GPR39: variants seen among roughly 807,000 people sequenced by gnomAD.
GPR39 encodes the protein G protein-coupled receptor 39, also known as zinc sensing receptor.
Under a neutral mutation model 18.4 loss-of-function variants are expected in GPR39, and 23 were observed. The observed-to-expected ratio is 1.25, with a 90% CI of 0.90 to 1.77. GPR39 has a LOEUF of 1.77. GPR39 is among the 40% of genes most tolerant of loss of function. GPR39 has a pLI of 0.00. For synonymous variants in GPR39, 280 were observed against 257.9 expected (o/e 1.09, Z -0.82); for missense variants, 647 against 602.4 (o/e 1.07, Z -0.78).
chr2:132,533,920 A>G lies in GPR39; in HGVS notation c.857-111181A>G, dbSNP rs1281386661. Among the ~76,000 whole-genome samples the G allele has an allele frequency of 2.6e-5, 4 of 152,242 alleles. No individual in the cohort carries two copies. In the East Asian group the frequency reaches 5.8e-4, roughly 22 times the overall value. On this transcript the variant is annotated intron_variant, in intron 1 of 1. Transcript: ENST00000329321. ...GAAAACCTACGAAATACCATTCAGG[A>G]CATAGGCATGGGCAAGGACTTCATG... is the stretch of plus-strand genomic sequence containing the variant.
intron 1 of GPR39, chr2:132,524,066 C>T (rs1558825912): frequency 6.6e-6 from 1 of 152,614 alleles, no homozygotes. Flanking sequence ...TGTATTTTAA[C>T]CAGCACTCTT....
intron 1 of GPR39, among the ~76,000 whole-genome samples, chr2:132,492,793 CATATAT>C (rs368240922): frequency 1.2e-4 from 1 of 8,632 alleles, no homozygotes; most frequent in Non-Finnish European, 3.4e-4. Flanking sequence ...ATATATATAC[CATATAT>C]ACCATATATA....
chr2:132,571,358 T>A (rs1680437982), intron 1 of GPR39, among the ~76,000 whole-genome samples: 1 of 152,140 alleles, frequency 6.6e-6, no homozygotes, highest in Admixed American at 6.5e-5. Flanking sequence ...GCAGCAAAAA[T>A]TTGATCATTC....
At chr2:132,442,923 C>T (rs1461217809) in intron 1 of GPR39, among the ~76,000 whole-genome samples, 6 of 152,136 alleles carry the variant, frequency 3.9e-5, no homozygotes, top group African/African-American at 1.2e-4. Flanking sequence ...ACTGGAGAGG[C>T]ATGGACTGCT....
intron 1 of GPR39, among the ~76,000 whole-genome samples, chr2:132,536,666 G>C (rs1173572612): frequency 6.6e-6 from 1 of 152,150 alleles, no homozygotes; most frequent in Non-Finnish European, 1.5e-5. Context: ...CTGACAGTGG[G>C]TGTTAAAGTC....
At chr2:132,501,196 T>C (rs1679031114) in intron 1 of GPR39, among the ~76,000 whole-genome samples, 1 of 151,992 alleles carries the variant, frequency 6.6e-6, no homozygotes. Context: ...CTATTTGTGC[T>C]CTTTCAGACT....
chr2:132,425,974 TAATA>T (rs1156571264), intron 1 of GPR39, among the ~76,000 whole-genome samples: 1 of 152,228 alleles, frequency 6.6e-6, no homozygotes, highest in Non-Finnish European at 1.5e-5. Flanking sequence ...ATTTGTGTGC[TAATA>T]AATAGGTGTT....
At chr2:132,446,386 G>A (rs1285927111) in intron 1 of GPR39, among the ~76,000 whole-genome samples, 1 of 152,196 alleles carries the variant, frequency 6.6e-6, no homozygotes, top group Non-Finnish European at 1.5e-5. Context: ...TTGCAATTCA[G>A]AGCAAAAAGT....
chr2:132,573,580 G>A (rs1182434700), intron 1 of GPR39, among the ~76,000 whole-genome samples: 1 of 152,166 alleles, frequency 6.6e-6, no homozygotes, highest in Non-Finnish European at 1.5e-5. Context: ...GGGAGCCAAA[G>A]TGGGAACAAT....
chr2:132,486,057 T>C (rs1681331384), intron 1 of GPR39, among the ~76,000 whole-genome samples: 1 of 152,232 alleles, frequency 6.6e-6, no homozygotes, highest in Non-Finnish European at 1.5e-5. Context: ...TTAATAGGTA[T>C]GAACATTAAT....
At chr2:132,535,694 G>GATTTTTTTTTTTTTT (rs1252242856) in intron 1 of GPR39, among the ~76,000 whole-genome samples, 1 of 60,992 alleles carries the variant, frequency 1.6e-5, no homozygotes, top group Admixed American at 1.6e-4. Context: ...CTGGTCCTGG[G>GATTTTTTTTTTTTTT]CTTTTTTTTT....
intron 1 of GPR39, among the ~76,000 whole-genome samples, chr2:132,438,729 A>G (rs1680379589): frequency 6.6e-6 from 1 of 152,112 alleles, no homozygotes; most frequent in Non-Finnish European, 1.5e-5. Flanking sequence ...CTCAAAGTAT[A>G]CAATCCTTGT....
chr2:132,544,007 CT>C (rs1421788406), intron 1 of GPR39, among the ~76,000 whole-genome samples: 1 of 152,172 alleles, frequency 6.6e-6, no homozygotes, highest in Admixed American at 6.5e-5. Context: ...CTCCAGACCC[CT>C]CAGGAAGAAA....
chr2:132,487,486 A>G (rs994727372), intron 1 of GPR39, among the ~76,000 whole-genome samples: 9 of 152,346 alleles, frequency 5.9e-5, no homozygotes, highest in African/African-American at 2.2e-4. Flanking sequence ...CTGTGTCAGT[A>G]TTAATAGACA....
At chr2:132,535,800 T>A (rs1679746668) in intron 1 of GPR39, among the ~76,000 whole-genome samples, 1 of 151,560 alleles carries the variant, frequency 6.6e-6, no homozygotes, top group African/African-American at 2.4e-5. Flanking sequence ...TTGGGAGGAT[T>A]TATGTGTCCA....
intron 1 of GPR39, among the ~76,000 whole-genome samples, chr2:132,518,507 G>A (rs1162613629): frequency 2.0e-5 from 3 of 152,134 alleles, no homozygotes; most frequent in South Asian, 4.1e-4. Context: ...TGTCTCATCC[G>A]CCCCGTTCAT....
chr2:132,469,237 T>G (rs187518280), intron 1 of GPR39, among the ~76,000 whole-genome samples: 1 of 152,328 alleles, frequency 6.6e-6, no homozygotes, highest in Admixed American at 6.5e-5. Context: ...GTGTTCAGTT[T>G]AGAGCTCTTT....
chr2:132,621,957 C>T lies in GPR39; in HGVS notation c.857-23144C>T, dbSNP rs147723909. On this transcript the variant is annotated intron_variant, in intron 1 of 1. Transcript: ENST00000329321. Reference sequence around the variant, plus strand: ...GGTCCTGTCACAAATCTCAGGCTGGCGATGAGAGGGATATGCATAGAGATG... The same window carrying T: ...GGTCCTGTCACAAATCTCAGGCTGGTGATGAGAGGGATATGCATAGAGATG... 4.9e-3 allele frequency among the ~76,000 whole-genome samples: 753 copies of T among 152,188 alleles called. 5 individuals carry two copies. Among genetic ancestry groups the T allele is most frequent in the Middle Eastern group, 0.01 (3 of 294 alleles).
chr2:132,618,127 C>G (rs898132822), intron 1 of GPR39, among the ~76,000 whole-genome samples: 3 of 152,154 alleles, frequency 2.0e-5, no homozygotes, highest in African/African-American at 7.2e-5. Flanking sequence ...TTAACAGAAG[C>G]TGGAAAAAGA....
Sources: gnomAD v4.1 joint callset for allele counts (sites outside exome capture counted in the v4.1 genomes callset) on GRCh38, gnomAD v4.1.1 for gene constraint, MANE v1.5 for transcripts, NCBI Gene and HGNC (gene_info 2026-07-23, HGNC 2026-07-21) for gene names.